Variants in MAST3 observed in about 807,000 individuals in gnomAD.
The protein encoded by MAST3 is microtubule associated serine/threonine kinase 3, also known as microtubule-associated serine/threonine-protein kinase 3.
A neutral mutation model predicts 127.0 loss-of-function variants in MAST3; 43 were observed. The observed-to-expected ratio is 0.34, with a 90% CI of 0.27 to 0.44. The LOEUF (loss-of-function observed/expected upper bound fraction) is 0.44, where lower values mean the gene tolerates loss of function less well. Among genes scored for constraint, MAST3 ranks in the 20% least tolerant of loss-of-function variants. MAST3 has a pLI of 1.00. For synonymous variants in MAST3, 785 were observed against 809.2 expected (o/e 0.97, Z 0.51); for missense variants, 1,390 against 1,919.1 (o/e 0.72, Z 5.15).
intron 27 of MAST3, among the ~76,000 whole-genome samples, chr19:18,148,415 T>G (rs2043251403): frequency 6.6e-6 from 1 of 151,496 alleles, no homozygotes; most frequent in African/African-American, 2.4e-5. Context: ...TGAGCCATGA[T>G]TGCACCACTG....
chr19:18,110,848 C>A lies in MAST3; in HGVS notation c.161+107C>A. The A allele has an allele frequency of 2.7e-6, 1 of 377,334 alleles. No homozygotes were observed. Among genetic ancestry groups the A allele is most frequent in the Non-Finnish European group, 3.7e-6 (1 of 273,886 alleles). The allele number at this position is 377,334 out of a possible 1,614,324, so 23.4% of individuals were successfully genotyped here. The stretch of plus-strand genomic sequence containing the variant: ...TCCTCAAGATACTGCAGGTTGGTGA[C>A]ATCACCTCTCTGGGCCTCAGTTTAC... On this transcript the variant is annotated intron_variant, in intron 3 of 27. Coordinates refer to ENST00000687212, the MANE Select transcript of MAST3 (RefSeq NM_001393504.1). This position sits in a 1 kb window ranked among gnomAD's most constrained non-coding sequence, Gnocchi z 4.3.
intron 20 of MAST3, among the ~76,000 whole-genome samples, chr19:18,140,681 T>C (rs1157660142): frequency 2.0e-5 from 3 of 152,240 alleles, no homozygotes; most frequent in Non-Finnish European, 4.4e-5. Flanking sequence ...TTCCTTTTTA[T>C]GGCTGAGTAA....
rs368251764 is a variant in MAST3, at chr19:18,121,665, G to A, written c.162-20G>A. ...GGGGCCCTGGGCAGCCACCTACCCT[G>A]TCCCCTTTTCCCCCCACAGCTGCCG... On this transcript the variant is annotated intron_variant, in intron 3 of 27. Transcript: ENST00000687212. The A allele has an allele frequency of 2.0e-5, 32 of 1,610,674 alleles. No individual in the cohort carries two copies. Among genetic ancestry groups the A allele is most frequent in the Non-Finnish European group, 2.5e-5 (29 of 1,177,874 alleles).
rs370099564 is a variant in MAST3 at position 18,141,377 on chromosome 19, CTTT to C, written c.2206-494_2206-492del. Among the ~76,000 whole-genome samples, 237 of 122,750 alleles carry C rather than the reference CTTT, an allele frequency of 1.9e-3. 3 individuals are homozygous for C. The highest frequency in any genetic ancestry group is 2.4e-3 in the Non-Finnish European group (150 of 61,640). 80.5% of individuals were successfully genotyped at this position (122,750 alleles called of 152,430 possible). ...GGAATCACTGGACTAAGCCAGCTTT[CTTT>C]TTTTTTTTTTGAAACAGAGTCTCGC... On this transcript the variant is annotated intron_variant, in intron 20 of 27. Transcript: ENST00000687212.
In MAST3 at chr19:18,124,253, C is replaced by T. The variant is rs754098841; in HGVS notation, c.844-12C>T. 1.3e-6 allele frequency: 2 copies of T among 1,599,948 alleles called. No homozygotes were observed. The highest frequency in any genetic ancestry group is 1.3e-5 in the African/African-American group (1 of 74,790). ...AGGACCTGTGGGTGATGCCACGACC[C>T]ACCTCCCCCAGGCCCATGAGCGTTC... On this transcript the variant is annotated splice_polypyrimidine_tract_variant and intron_variant, in intron 9 of 27. Coordinates refer to ENST00000687212, the MANE Select transcript of MAST3 (RefSeq NM_001393504.1).
At chr19:18,140,146 G>A (rs993430664) in intron 20 of MAST3, among the ~76,000 whole-genome samples, 2 of 152,024 alleles carry the variant, frequency 1.3e-5, no homozygotes, top group Non-Finnish European at 2.9e-5. Context: ...GGCAATTTCC[G>A]AGGCAGGCGG....
chr19:18,135,896 A>C, intron 18 of MAST3, 55 bp downstream of exon 18: 1 of 1,347,858 alleles, frequency 7.4e-7, no homozygotes, highest in Non-Finnish European at 1.0e-6. Flanking sequence ...CCTGGGACCC[A>C]GGGAATGGAG....
rs1050433752 is a variant in MAST3, at chr19:18,130,494, G to A, written c.1224G>A (p.Gly408=). 7 of 1,592,954 alleles carry A rather than the reference G, an allele frequency of 4.4e-6. No individual in the cohort carries two copies. The highest frequency in any genetic ancestry group is 3.4e-6 in the Non-Finnish European group (4 of 1,169,528). The change falls in exon 14 of 28, where the codon GGG becomes GGA. Residue 408 remains glycine (G), a splice_region_variant and synonymous_variant. Coordinates refer to ENST00000687212, the MANE Select transcript of MAST3 (RefSeq NM_001393504.1). ...TIKLISNGAY[G]AVYLVRHRDT... ...AGCAAGCCTGGCCCTCTGTCCCCAG[G>A]GCCGTCTACCTGGTGCGGCACCGTG...
At chr19:18,116,090 CTT>C (rs3048876) in intron 3 of MAST3, among the ~76,000 whole-genome samples, 29 of 86,348 alleles carry the variant, frequency 3.4e-4, no homozygotes, top group African/African-American at 1.5e-3. Context: ...TTGAAATTAT[CTT>C]TTTTTTTTTT....
At position 18,110,129 on chromosome 19, in the gene MAST3, C is replaced by T; in HGVS notation, c.72-523C>T. 1 of 985,378 alleles carries T rather than the reference C, an allele frequency of 1.0e-6. No individual in the cohort carries two copies. Among genetic ancestry groups the T allele is most frequent in the Non-Finnish European group, 1.2e-6 (1 of 829,936 alleles). The allele number at this position is 985,378 out of a possible 1,614,324, so 61.0% of individuals were successfully genotyped here. On this transcript the variant is annotated intron_variant, in intron 2 of 27. Coordinates refer to ENST00000687212, the MANE Select transcript of MAST3 (RefSeq NM_001393504.1). The surrounding 1 kb of genome is among the most constrained non-coding windows in gnomAD (Gnocchi z 4.3). ...CTGCGCGCAGGTGCGGAGCTGCGAT[C>T]CCCGCCCCGAGGCGGAGCCAGCCCG... is the stretch of plus-strand genomic sequence containing the variant.
intron 12 of MAST3, 107 bp from the exon 13 acceptor site, chr19:18,128,759 G>A (rs983836212): frequency 1.2e-6 from 1 of 867,698 alleles, no homozygotes; most frequent in South Asian, 1.4e-5. Flanking sequence ...TTTGGACAGG[G>A]GAGGAGGTAG....
intron 6 of MAST3, 106 bp downstream of exon 6, chr19:18,122,857 A>G (rs1296964339): frequency 8.3e-7 from 1 of 1,202,648 alleles, no homozygotes; most frequent in Non-Finnish European, 1.2e-6. Context: ...GCAGTCAGCA[A>G]ACATACTAGT....
chr19:18,110,885 A>C lies in MAST3; in HGVS notation c.161+144A>C. On this transcript the variant is annotated intron_variant, in intron 3 of 27. Coordinates refer to ENST00000687212, the MANE Select transcript of MAST3 (RefSeq NM_001393504.1). This position sits in a 1 kb window ranked among gnomAD's most constrained non-coding sequence, Gnocchi z 4.3. ...GGGCCTCAGTTTACCCCTCCACATA[A>C]TGGCACTGCGATACGTTCTAGGGGC... is the stretch of plus-strand genomic sequence containing the variant. The C allele has an allele frequency of 5.3e-5, 10 of 189,072 alleles. No homozygotes were observed. Among genetic ancestry groups the C allele is most frequent in the Non-Finnish European group, 9.9e-5 (10 of 101,454 alleles). The allele number at this position is 189,072 out of a possible 1,614,324, so 11.7% of individuals were successfully genotyped here. A position where few individuals can be genotyped will look rare whatever the true frequency, so the allele number is the denominator to read the frequency against.
At chr19:18,127,023 G>A (rs1392692159) in intron 11 of MAST3, among the ~76,000 whole-genome samples, 6 of 150,386 alleles carry the variant, frequency 4.0e-5, no homozygotes, top group East Asian at 2.0e-4. Flanking sequence ...CTCATGATCC[G>A]CCCGCCTCTG....
At position 18,149,410 on chromosome 19, in the gene MAST3, T is replaced by A. The variant is rs1276634286; in HGVS notation, c.3728T>A (p.Leu1243Gln). The A allele has an allele frequency of 1.4e-6, 2 of 1,463,660 alleles. No individual in the cohort carries two copies. The highest frequency in any genetic ancestry group is 1.8e-6 in the Non-Finnish European group (2 of 1,115,012). 90.7% of individuals were successfully genotyped at this position (1,463,660 alleles called of 1,614,324 possible). A position where few individuals can be genotyped will look rare whatever the true frequency, so the allele number is the denominator to read the frequency against. The change falls in exon 28 of 28, where the codon CTG becomes CAG. Residue 1243 changes from leucine to glutamine, a missense_variant. By Grantham distance (113) the Leu-to-Gln change is moderately radical (BLOSUM62 -2). This residue lies in a region of MAST3 where 816 missense variants were observed against 934.1 expected (regional missense o/e 0.87). Coordinates refer to ENST00000687212, the MANE Select transcript of MAST3 (RefSeq NM_001393504.1). This position sits in a 1 kb window ranked among gnomAD's most constrained non-coding sequence, Gnocchi z 5.9. ...SAPPPRSPSP[L>Q]PGHPPAPARS... ...CCCCCACCCCGCTCGCCCTCGCCCC[T>A]GCCCGGGCACCCGCCCGCACCTGCC... is the stretch of plus-strand genomic sequence containing the variant.
At chr19:18,099,002 A>C in intron 1 of MAST3, 1 of 318,426 alleles carries the variant, frequency 3.1e-6, no homozygotes, top group Non-Finnish European at 6.3e-6. Context: ...GAGGCATTGC[A>C]GCGGGGGGCG....
intron 15 of MAST3, among the ~76,000 whole-genome samples, chr19:18,133,450 G>T (rs1006885616): frequency 1.3e-5 from 2 of 151,990 alleles, no homozygotes; most frequent in African/African-American, 4.8e-5. Flanking sequence ...CGCAGTCTTG[G>T]CTCACTGCAA....
intron 3 of MAST3, among the ~76,000 whole-genome samples, chr19:18,116,913 CA>C (rs1029551853): frequency 1.2e-3 from 94 of 76,078 alleles, no homozygotes; most frequent in Non-Finnish European, 1.2e-3. Context: ...AACTCTGTCT[CA>C]AAAAAAAAAA....
chr19:18,119,790 C>T (rs957098818), intron 3 of MAST3, among the ~76,000 whole-genome samples: 5 of 152,358 alleles, frequency 3.3e-5, no homozygotes, highest in Admixed American at 2.0e-4. Flanking sequence ...CCCTGCCCAC[C>T]TTGTCACCTG....
Sources: gnomAD v4.1 joint callset for allele counts (sites outside exome capture counted in the v4.1 genomes callset) on GRCh38, gnomAD v4.1.1 for gene constraint, gnomAD v4.1.1 regional missense constraint, Gnocchi (gnomAD v3.1) non-coding constraint, MANE v1.5 for transcripts, NCBI Gene and HGNC (gene_info 2026-07-23, HGNC 2026-07-21) for gene names.